NBAS: variants seen among roughly 807,000 people sequenced by gnomAD.
The protein encoded by NBAS is NBAS subunit of NRZ tethering complex, also known as NAG/BC035112 fusion.
In NBAS, 219 loss-of-function variants were observed where a neutral mutation model predicts 302.5. The observed-to-expected ratio is 0.72, with a 90% CI of 0.65 to 0.81. NBAS has a LOEUF of 0.81. Among genes scored for constraint, NBAS ranks in the 30% least tolerant of loss-of-function variants. The pLI is 0.00. For synonymous variants in NBAS, 1,118 were observed against 1,021.6 expected (o/e 1.09, Z -1.80); for missense variants, 2,932 against 2,841.6 (o/e 1.03, Z -0.72).
rs1346208466 is a variant in NBAS at position 15,352,108 on chromosome 2, A to C, written c.4090-27T>G. The C allele has an allele frequency of 6.6e-6, 10 of 1,513,262 alleles. No individual in the cohort carries two copies. In the East Asian group the frequency reaches 2.3e-4, roughly 34 times the overall value. The allele number at this position is 1,513,262 out of a possible 1,614,324, so 93.7% of individuals were successfully genotyped here. A position where few individuals can be genotyped will look rare whatever the true frequency, so the allele number is the denominator to read the frequency against. On this transcript the variant is annotated intron_variant, in intron 34 of 51. Transcript: ENST00000281513. ...TAAAACAAGAATAGGCTATATTGTA[A>C]AGGAGTTACGTTTTTAAATTTGCTT... is the stretch of plus-strand genomic sequence containing the variant.
chr2:15,150,359 G>C, the NBAS span, among the ~76,000 whole-genome samples: 1 of 152,052 alleles, frequency 6.6e-6, no homozygotes, highest in East Asian at 1.9e-4. Context: ...GAAATGCTTT[G>C]GTAGATTTTC....
At chr2:15,102,252 G>A in the NBAS span, among the ~76,000 whole-genome samples, 2 of 152,172 alleles carry the variant, frequency 1.3e-5, no homozygotes, top group South Asian at 4.1e-4. Flanking sequence ...ACCAAGTGCA[G>A]GCGAAGTTTG....
chr2:14,890,571 A>G, the NBAS span: 1 of 152,214 alleles, frequency 6.6e-6, no homozygotes, highest in Non-Finnish European at 1.5e-5. Context: ...TAATCCCAGC[A>G]TTTTGAGAGG....
intron 40 of NBAS, among the ~76,000 whole-genome samples, chr2:15,293,665 T>A (rs1670421189): frequency 6.6e-6 from 1 of 151,042 alleles, no homozygotes; most frequent in African/African-American, 2.5e-5. Flanking sequence ...AAAAAAAGAA[T>A]CTACCTTTGG....
the NBAS span, among the ~76,000 whole-genome samples, chr2:15,098,712 T>C: frequency 1.4e-5 from 2 of 137,948 alleles, no homozygotes; most frequent in African/African-American, 2.7e-5. Flanking sequence ...TTATATACAT[T>C]ATATTATATA....
intron 19 of NBAS, among the ~76,000 whole-genome samples, chr2:15,466,683 A>C (rs1364172292): frequency 6.6e-6 from 1 of 152,238 alleles, no homozygotes; most frequent in African/African-American, 2.4e-5. Context: ...CACACCTGTA[A>C]TCCTAGCACT....
At chr2:15,417,823 T>G in intron 23 of NBAS, 111 bp from the exon 24 acceptor site, 5 of 1,074,034 alleles carry the variant, frequency 4.7e-6, no homozygotes, top group Non-Finnish European at 5.4e-6. Context: ...TTTATAAAAT[T>G]GCATTACCAG....
intron 50 of NBAS, among the ~76,000 whole-genome samples, chr2:15,183,692 C>T (rs1286511005): frequency 1.3e-5 from 2 of 151,792 alleles, no homozygotes; most frequent in East Asian, 1.9e-4. Context: ...AGAAACAGTA[C>T]AGCTTCGAGC....
chr2:14,883,055 A>C, the NBAS span, among the ~76,000 whole-genome samples: 2 of 152,254 alleles, frequency 1.3e-5, no homozygotes, highest in African/African-American at 4.8e-5. Flanking sequence ...GACAAAGTTT[A>C]TAACTGCTAA....
intron 1 of NBAS, among the ~76,000 whole-genome samples, chr2:15,560,532 C>A (rs561120572): frequency 1.6e-4 from 24 of 152,202 alleles, no homozygotes; most frequent in Middle Eastern, 3.4e-3. Context: ...AGAAGCTCCA[C>A]GAAAACATAT....
At chr2:15,221,693 G>A (rs1243161846) in intron 47 of NBAS, among the ~76,000 whole-genome samples, 2 of 152,218 alleles carry the variant, frequency 1.3e-5, no homozygotes, top group African/African-American at 4.8e-5. Flanking sequence ...ATAAATGCAA[G>A]TGTGGGAAAA....
At chr2:15,431,656 T>C (rs1170778017) in intron 21 of NBAS, among the ~76,000 whole-genome samples, 4 of 152,142 alleles carry the variant, frequency 2.6e-5, no homozygotes, top group Non-Finnish European at 4.4e-5. Flanking sequence ...TGGAAAGGGA[T>C]AGTTTGTTCA....
intron 32 of NBAS, among the ~76,000 whole-genome samples, chr2:15,364,930 C>T (rs895329315): frequency 6.6e-6 from 1 of 152,132 alleles, no homozygotes; most frequent in African/African-American, 2.4e-5. Flanking sequence ...GTTCGTAAAG[C>T]AGTAACAGAT....
chr2:15,298,393 CA>C lies in NBAS; in HGVS notation c.4798-5628del, dbSNP rs765176990. ...AAAGCTTCTAAGAAAAAATTACTTA[CA>C]GGGGAAAAACACAGGAGTTGGCATC... On this transcript the variant is annotated intron_variant, in intron 40 of 51. Coordinates refer to ENST00000281513, the MANE Select transcript of NBAS (RefSeq NM_015909.4). Among the ~76,000 whole-genome samples, 12 of 152,230 alleles carry C rather than the reference CA, an allele frequency of 7.9e-5. 1 individual carries two copies. The highest frequency in any genetic ancestry group is 1.7e-4 in the African/African-American group (7 of 41,552).
At chr2:14,948,292 C>T in the NBAS span, among the ~76,000 whole-genome samples, 3 of 151,980 alleles carry the variant, frequency 2.0e-5, no homozygotes, top group Admixed American at 6.5e-5. Context: ...TTTAGTTATT[C>T]CTTAAATGTT....
chr2:15,092,424 G>A, the NBAS span, among the ~76,000 whole-genome samples: 3 of 152,248 alleles, frequency 2.0e-5, no homozygotes, highest in Admixed American at 6.5e-5. Context: ...AAGGAGTATT[G>A]GACCTGAAAC....
chr2:14,947,879 T>C, the NBAS span, among the ~76,000 whole-genome samples: 1 of 152,092 alleles, frequency 6.6e-6, no homozygotes, highest in Non-Finnish European at 1.5e-5. Flanking sequence ...GAGAAGATCA[T>C]ATGGTTTTTG....
intron 40 of NBAS, among the ~76,000 whole-genome samples, chr2:15,292,989 CT>C (rs1200323329): frequency 2.6e-5 from 4 of 152,140 alleles, no homozygotes; most frequent in African/African-American, 9.7e-5. Context: ...CCAAAAACAG[CT>C]TTTTGAACTC....
the NBAS span, among the ~76,000 whole-genome samples, chr2:14,836,342 A>T: frequency 6.6e-6 from 1 of 151,588 alleles, no homozygotes; most frequent in African/African-American, 2.4e-5. Flanking sequence ...TTTTGTGTCT[A>T]GGTTTTTTTA....
Sources: allele counts gnomAD v4.1 joint callset (sites outside exome capture counted in the v4.1 genomes callset), GRCh38; gene constraint gnomAD v4.1.1; transcripts MANE v1.5; gene names NCBI Gene and HGNC (gene_info 2026-07-23, HGNC 2026-07-21).